Variants in AGR3 observed in about 807,000 individuals in gnomAD.
The protein encoded by AGR3 is anterior gradient protein 3.
A neutral mutation model predicts 24.5 loss-of-function variants in AGR3; 37 were observed. The observed-to-expected ratio is 1.51, with a 90% CI of 1.16 to 1.99. AGR3 has a LOEUF of 1.99. Among genes scored for constraint, AGR3 ranks in the 30% most tolerant of loss-of-function variants. The probability of loss-of-function intolerance (pLI) is 0.00; values close to 1 mark genes in which losing one functional copy is unlikely to be tolerated. For synonymous variants in AGR3, 75 were observed against 61.6 expected (o/e 1.22, Z -1.02); for missense variants, 228 against 191.1 (o/e 1.19, Z -1.14).
chr7:16,873,493 T>C (rs776034564), intron 3 of AGR3: 5 of 263,182 alleles, frequency 1.9e-5, no homozygotes, highest in Non-Finnish European at 2.9e-5. Context: ...TGCAAAAATA[T>C]AGCTAGATAG....
chr7:16,871,240 A>G lies in AGR3; in HGVS notation c.173+2540T>C, dbSNP rs150535287. On this transcript the variant is annotated intron_variant, in intron 3 of 7. Transcript: ENST00000310398. ...TAATAAATAATACTGCTTTGTTTAT[A>G]CAACATACTCAAAAGCTTGATTGAG... 7.2e-5 allele frequency among the ~76,000 whole-genome samples: 11 copies of G among 152,336 alleles called. No homozygotes were observed. The East Asian group carries it at 1.9e-3, about 27-fold the overall frequency.
At chr7:16,869,701 G>T (rs996666577) in intron 3 of AGR3, among the ~76,000 whole-genome samples, 8 of 150,660 alleles carry the variant, frequency 5.3e-5, no homozygotes, top group African/African-American at 1.9e-4. Context: ...TTTTGCAGGG[G>T]GCAGGGGGAA....
downstream of AGR3, among the ~76,000 whole-genome samples, chr7:16,858,243 C>T (rs929980796): frequency 2.6e-5 from 4 of 152,076 alleles, no homozygotes; most frequent in African/African-American, 9.7e-5. Context: ...ATCCTCCCAT[C>T]TCAGCCTCCC....
chr7:16,880,422 A>G (rs909664484), intron 1 of AGR3, among the ~76,000 whole-genome samples: 2 of 150,852 alleles, frequency 1.3e-5, no homozygotes, highest in East Asian at 2.0e-4. Context: ...CGGCCTCCCA[A>G]AGTGCTGGGA....
intron 3 of AGR3, among the ~76,000 whole-genome samples, chr7:16,869,001 T>A (rs945941001): frequency 6.6e-6 from 1 of 152,222 alleles, no homozygotes; most frequent in Non-Finnish European, 1.5e-5. Context: ...TCCTACGCTA[T>A]GAGAACGTAT....
At chr7:16,857,438 A>G (rs1029787997), downstream of AGR3, among the ~76,000 whole-genome samples, 1 of 152,182 alleles carries the variant, frequency 6.6e-6, no homozygotes, top group African/African-American at 2.4e-5. Flanking sequence ...TAATTCTTAA[A>G]AAAACTAAAT....
chr7:16,864,677 C>G, intron 3 of AGR3: 1 of 1,585,018 alleles, frequency 6.3e-7, no homozygotes, highest in Non-Finnish European at 8.7e-7. Flanking sequence ...GGAAAAAGTG[C>G]TTTTGCTGCC....
chr7:16,854,968 A>G (rs1781536021), downstream of AGR3, among the ~76,000 whole-genome samples: 1 of 152,214 alleles, frequency 6.6e-6, no homozygotes, highest in Admixed American at 6.5e-5. Context: ...CTACTCCAGT[A>G]TGACCTCATC....
At chr7:16,869,276 CTG>C (rs957960491) in intron 3 of AGR3, among the ~76,000 whole-genome samples, 8 of 152,102 alleles carry the variant, frequency 5.3e-5, no homozygotes, top group African/African-American at 1.9e-4. Flanking sequence ...AAATTAATCT[CTG>C]TGTTATTATA....
rs375143902 is a variant in AGR3 at position 16,862,564 on chromosome 7, T to C, written c.226+46A>G. On this transcript the variant is annotated intron_variant, in intron 4 of 7. Transcript: ENST00000310398. ...ACCAGGTCACTTTTCCTATTTTATA[T>C]TGGAAATATTATATATTATAATAAG... 24 of 1,226,900 alleles carry C rather than the reference T, an allele frequency of 2.0e-5. No homozygotes were observed. In the African/African-American group the frequency reaches 3.4e-4, roughly 17 times the overall value. 76.0% of individuals were successfully genotyped at this position (1,226,900 alleles called of 1,614,324 possible). A position where few individuals can be genotyped will look rare whatever the true frequency, so the allele number is the denominator to read the frequency against.
At chr7:16,877,153 T>C (rs1273319078) in intron 2 of AGR3, among the ~76,000 whole-genome samples, 2 of 151,194 alleles carry the variant, frequency 1.3e-5, no homozygotes, top group Non-Finnish European at 1.5e-5. Flanking sequence ...AATACATCTG[T>C]TAAGAAATGA....
At chr7:16,877,001 G>A (rs1268403207) in intron 2 of AGR3, among the ~76,000 whole-genome samples, 1 of 151,896 alleles carries the variant, frequency 6.6e-6, no homozygotes, top group African/African-American at 2.4e-5. Flanking sequence ...ATAGAGTTAT[G>A]TTTAGGAAAA....
chr7:16,855,809 A>C (rs1781549928), downstream of AGR3, among the ~76,000 whole-genome samples: 1 of 152,180 alleles, frequency 6.6e-6, no homozygotes, highest in Admixed American at 6.5e-5. Context: ...TGGGTTTAAA[A>C]AGTACGCTTC....
chr7:16,858,506 C>A (rs1200620053), downstream of AGR3, among the ~76,000 whole-genome samples: 1 of 152,066 alleles, frequency 6.6e-6, no homozygotes, highest in Non-Finnish European at 1.5e-5. Flanking sequence ...TGGAGAAATT[C>A]TTCATTTTTC....
chr7:16,878,934 G>A (rs533951502), intron 1 of AGR3, among the ~76,000 whole-genome samples: 7 of 152,262 alleles, frequency 4.6e-5, no homozygotes, highest in South Asian at 2.1e-4. Flanking sequence ...CTTCTGAACC[G>A]CCCTGTAGTG....
chr7:16,862,445 T>C (rs190807037), intron 4 of AGR3, among the ~76,000 whole-genome samples, 165 bp downstream of exon 4: 5 of 152,290 alleles, frequency 3.3e-5, no homozygotes, highest in Non-Finnish European at 5.9e-5. Context: ...GTAACAATCA[T>C]TGTGGTCTTT....
At chr7:16,876,541 G>A (rs1190787479) in intron 2 of AGR3, among the ~76,000 whole-genome samples, 1 of 151,878 alleles carries the variant, frequency 6.6e-6, no homozygotes, top group African/African-American at 2.4e-5. Context: ...GGCTCCATAT[G>A]CCACTCTTTA....
At chr7:16,878,694 A>T in intron 1 of AGR3, 49 bp from the exon 2 acceptor site, 1 of 1,351,886 alleles carries the variant, frequency 7.4e-7, no homozygotes, top group Non-Finnish European at 1.1e-6. Flanking sequence ...ACTTCAAGCT[A>T]TTATTAGAAG....
intron 6 of AGR3, 101 bp downstream of exon 6, chr7:16,861,283 C>G (rs1209490845): frequency 5.8e-6 from 5 of 863,656 alleles, no homozygotes; most frequent in South Asian, 2.4e-5. Context: ...AATGACTTCT[C>G]TTTAAAAAGA....
Sources: allele counts gnomAD v4.1 joint callset (sites outside exome capture counted in the v4.1 genomes callset), GRCh38; gene constraint gnomAD v4.1.1; transcripts MANE v1.5; gene names NCBI Gene and HGNC (gene_info 2026-07-23, HGNC 2026-07-21).